Variants in SDK1 observed in about 807,000 individuals in gnomAD.
SDK1 encodes the protein protein sidekick-1.
SDK1 carries 157 observed loss-of-function variants against 245.5 expected under a neutral mutation model. The observed-to-expected ratio is 0.64, with a 90% CI of 0.56 to 0.73. The LOEUF is 0.73. Ranked by LOEUF, SDK1 falls within the 30% of genes least tolerant of loss-of-function variation. The pLI is 0.00. For missense variants in SDK1, 3,583 were observed against 3,002.3 expected, an observed-to-expected ratio of 1.19 and a Z score of -4.52; for synonymous variants, 1,647 against 1,278.5, an observed-to-expected ratio of 1.29 and a Z score of -6.15.
intron 4 of SDK1, among the ~76,000 whole-genome samples, chr7:3,713,556 C>G (rs1785110501): frequency 6.6e-6 from 1 of 152,148 alleles, no homozygotes; most frequent in Non-Finnish European, 1.5e-5. Flanking sequence ...TTGAATTAGG[C>G]CTGGTCTAGA....
intron 4 of SDK1, among the ~76,000 whole-genome samples, chr7:3,796,750 TATTG>T (rs1778970771): frequency 6.6e-6 from 1 of 152,234 alleles, no homozygotes; most frequent in African/African-American, 2.4e-5. Flanking sequence ...AAATATGCAG[TATTG>T]ATTATTAATT....
chr7:3,739,920 T>C (rs1321887160), intron 4 of SDK1, among the ~76,000 whole-genome samples: 1 of 152,222 alleles, frequency 6.6e-6, no homozygotes, highest in Non-Finnish European at 1.5e-5. Context: ...AATTTACTTT[T>C]TATATTGCTT....
intron 1 of SDK1, among the ~76,000 whole-genome samples, chr7:3,376,858 T>C (rs1781368333): frequency 6.6e-6 from 1 of 152,318 alleles, no homozygotes; most frequent in South Asian, 2.1e-4. Context: ...TTCTTTCTTT[T>C]TTTCCTCTAT....
At position 4,268,236 on chromosome 7, in the gene SDK1, CG is replaced by C; in HGVS notation, c.*2854del. 1.1e-5 allele frequency: 11 copies of C among 992,850 alleles called. No individual in the cohort carries two copies. The highest frequency in any genetic ancestry group is 1.3e-5 in the Non-Finnish European group (11 of 834,448). 61.5% of individuals were successfully genotyped at this position (992,850 alleles called of 1,614,324 possible). On this transcript the variant is annotated 3_prime_UTR_variant, in exon 45 of 45. Transcript: ENST00000404826. ...GCCCCACCCTGCAAGGATGTGGTCA[CG>C]GAGTGGCCAGGAGGCTCCGTCTGAG...
chr7:4,061,311 A>G (rs1295496784), intron 19 of SDK1, among the ~76,000 whole-genome samples: 2 of 152,028 alleles, frequency 1.3e-5, no homozygotes, highest in Admixed American at 1.3e-4. Flanking sequence ...ATCCTCTTTT[A>G]TTTCATTGAG....
At chr7:4,249,163 C>T (rs1035756004) in intron 44 of SDK1, among the ~76,000 whole-genome samples, 3 of 152,164 alleles carry the variant, frequency 2.0e-5, no homozygotes, top group East Asian at 1.9e-4. Context: ...ATGGAACCCA[C>T]ACTAAATGGA....
chr7:4,148,170 C>T (rs1562886143), intron 29 of SDK1, among the ~76,000 whole-genome samples: 1 of 152,182 alleles, frequency 6.6e-6, no homozygotes, highest in Non-Finnish European at 1.5e-5. Flanking sequence ...CAGGTGAAAT[C>T]ACAAGGGCCA....
chr7:4,137,023 G>A (rs1779140654), intron 28 of SDK1, among the ~76,000 whole-genome samples: 2 of 152,222 alleles, frequency 1.3e-5, no homozygotes, highest in Admixed American at 1.3e-4. Context: ...GGCAGCACGT[G>A]CCCCAGATGG....
intron 35 of SDK1, among the ~76,000 whole-genome samples, chr7:4,190,947 A>G (rs766307374): frequency 3.2e-4 from 49 of 152,300 alleles, no homozygotes; most frequent in Admixed American, 1.3e-3. Context: ...GAGCCTAGCC[A>G]GGCTTCTCTG....
chr7:3,855,499 C>T (rs1170790895), intron 5 of SDK1, among the ~76,000 whole-genome samples: 2 of 152,014 alleles, frequency 1.3e-5, no homozygotes, highest in African/African-American at 4.8e-5. Context: ...GTGAATTCAA[C>T]TTGAGAACAA....
At chr7:3,847,965 T>C (rs1364830599) in intron 5 of SDK1, among the ~76,000 whole-genome samples, 1 of 152,130 alleles carries the variant, frequency 6.6e-6, no homozygotes, top group South Asian at 2.1e-4. Flanking sequence ...AAAACAGTTA[T>C]TAATCATACT....
At chr7:3,793,494 TTAGA>T (rs756509848) in intron 4 of SDK1, among the ~76,000 whole-genome samples, 14 of 152,206 alleles carry the variant, frequency 9.2e-5, no homozygotes, top group Non-Finnish European at 1.5e-4. Flanking sequence ...TCCTCGTGCC[TTAGA>T]TAGTCTTCAG....
intron 2 of SDK1, among the ~76,000 whole-genome samples, chr7:3,628,716 T>G (rs1295225441): frequency 6.6e-6 from 1 of 152,132 alleles, no homozygotes; most frequent in Non-Finnish European, 1.5e-5. Context: ...TGGGATCTGA[T>G]TTACTGCCTC....
intron 1 of SDK1, among the ~76,000 whole-genome samples, chr7:3,442,707 G>A (rs752575064): frequency 3.2e-4 from 48 of 152,174 alleles, no homozygotes; most frequent in Non-Finnish European, 4.6e-4. Flanking sequence ...AATTGTACAA[G>A]TTTAGTGCAC....
At chr7:3,657,229 A>C (rs1193958822) in intron 4 of SDK1, among the ~76,000 whole-genome samples, 1 of 152,160 alleles carries the variant, frequency 6.6e-6, no homozygotes, top group African/African-American at 2.4e-5. Flanking sequence ...GAGGCTGTAA[A>C]CTGGAAAGAT....
chr7:3,989,506 C>T (rs1784132587), intron 14 of SDK1, among the ~76,000 whole-genome samples: 1 of 152,158 alleles, frequency 6.6e-6, no homozygotes, highest in African/African-American at 2.4e-5. Context: ...CAGGCAGAGC[C>T]AGATGCAGGT....
intron 5 of SDK1, among the ~76,000 whole-genome samples, chr7:3,897,322 C>G (rs1012130875): frequency 6.6e-6 from 1 of 152,182 alleles, no homozygotes; most frequent in Non-Finnish European, 1.5e-5. Context: ...CCAGCTTGCT[C>G]AACTGGAAGC....
chr7:3,694,582 G>GC (rs1456999250), intron 4 of SDK1, among the ~76,000 whole-genome samples: 1 of 151,494 alleles, frequency 6.6e-6, no homozygotes, highest in Non-Finnish European at 1.5e-5. Flanking sequence ...GTTGGTGGGG[G>GC]GGGAAAAGCA....
chr7:3,797,434 G>A (rs1231559578), intron 4 of SDK1, among the ~76,000 whole-genome samples: 1 of 143,822 alleles, frequency 7.0e-6, no homozygotes, highest in Non-Finnish European at 1.5e-5. Context: ...ATACAGCCAT[G>A]TACATGTACA....
Sources: gnomAD v4.1 joint callset for allele counts (sites outside exome capture counted in the v4.1 genomes callset) on GRCh38, gnomAD v4.1.1 for gene constraint, MANE v1.5 for transcripts, NCBI Gene and HGNC (gene_info 2026-07-23, HGNC 2026-07-21) for gene names.